The following CEP85L variants were observed in gnomAD, a reference collection of about 807,000 sequenced individuals.
CEP85L encodes the protein centrosomal protein of 85 kDa-like.
Under a neutral mutation model 100.3 loss-of-function variants are expected in CEP85L, and 60 were observed. The ratio of observed to expected loss-of-function variants is 0.60; its 90% CI spans 0.49 to 0.74. CEP85L has a LOEUF of 0.74. Among genes scored for constraint, CEP85L ranks in the 30% least tolerant of loss-of-function variants. The pLI is 0.00. For missense variants in CEP85L, 973 were observed against 936.2 expected, an observed-to-expected ratio of 1.04 and a Z score of -0.51; for synonymous variants, 319 against 322.7, an observed-to-expected ratio of 0.99 and a Z score of 0.12.
chr6:118,645,807 C>T (rs1048320302), intron 1 of CEP85L, among the ~76,000 whole-genome samples: 2 of 152,240 alleles, frequency 1.3e-5, no homozygotes, highest in African/African-American at 4.8e-5. Context: ...ATGTCTAGCA[C>T]ACCATATTTA....
chr6:118,594,712 C>T (rs1451272127), intron 2 of CEP85L, among the ~76,000 whole-genome samples: 1 of 151,282 alleles, frequency 6.6e-6, no homozygotes, highest in Admixed American at 6.6e-5. Flanking sequence ...AAAAATTAGC[C>T]GGGTGTGGTG....
intron 2 of CEP85L, among the ~76,000 whole-genome samples, chr6:118,587,635 C>G (rs1780943438): frequency 6.6e-6 from 1 of 152,108 alleles, no homozygotes. Flanking sequence ...ATTCCAGACC[C>G]TTGTATGATG....
chr6:118,652,880 T>G, upstream of CEP85L: 552 of 587,504 alleles, frequency 9.4e-4, no homozygotes, highest in East Asian at 1.4e-3. Flanking sequence ...TAATGTGCAC[T>G]AGCTCGTTTT....
rs1209530681 is a variant in CEP85L at position 118,475,352 on chromosome 6, T to C, written c.1914+4519A>G. Among the ~76,000 whole-genome samples the C allele has an allele frequency of 3.3e-3, 476 of 142,546 alleles. 28 individuals carry two copies. The highest frequency in any genetic ancestry group is 0.01 in the African/African-American group (392 of 37,764). 93.5% of individuals were successfully genotyped at this position (142,546 alleles called of 152,430 possible). ...GTGGGTGAATTGTAGGTGACATTTT[T>C]TTTTTTTTTTTTTTTTTTTTGAGAC... On this transcript the variant is annotated intron_variant, in intron 10 of 12. Transcript: ENST00000368491.
At chr6:118,643,460 C>G (rs7772921) in intron 1 of CEP85L, among the ~76,000 whole-genome samples, 70,783 of 151,980 alleles carry the variant, frequency 0.47, 16,987 homozygotes, top group Middle Eastern at 0.57. Context: ...TAACTAAAAA[C>G]TATAGTTCAT....
rs56893664 is a variant in CEP85L, at chr6:118,505,409, C to CA, written c.1257+5888dup. Among the ~76,000 whole-genome samples the CA allele has an allele frequency of 3.1e-3, 224 of 71,786 alleles. 20 individuals are homozygous for CA. The highest frequency in any genetic ancestry group is 6.2e-3 in the African/African-American group (112 of 18,050). 47.1% of individuals were successfully genotyped at this position (71,786 alleles called of 152,430 possible). A position where few individuals can be genotyped will look rare whatever the true frequency, so the allele number is the denominator to read the frequency against. ...TGAGCCAAGATCACGTCACTGTACT[C>CA]AAAAAAAAAAAAAAAAAAAAAAAAA... On this transcript the variant is annotated intron_variant, in intron 5 of 12. Transcript: ENST00000368491.
intron 7 of CEP85L, 127 bp downstream of exon 7, chr6:118,483,579 C>A (rs1773953104): frequency 1.3e-6 from 1 of 771,996 alleles, no homozygotes; most frequent in Admixed American, 2.7e-5. Context: ...AACAAAGTTT[C>A]TTATTAGAAT....
intron 3 of CEP85L, chr6:118,537,830 G>A (rs1777680393): frequency 3.0e-6 from 3 of 985,160 alleles, no homozygotes; most frequent in Non-Finnish European, 3.6e-6. Flanking sequence ...CTTTGTCTCT[G>A]AGCTTATTCA....
At chr6:118,525,488 TAAAG>T (rs981411043) in intron 3 of CEP85L, among the ~76,000 whole-genome samples, 9 of 152,240 alleles carry the variant, frequency 5.9e-5, no homozygotes, top group Admixed American at 6.5e-5. Context: ...TTGGTGTCCC[TAAAG>T]AAAGGGGAAA....
chr6:118,637,026 T>C (rs1378874027), intron 1 of CEP85L, among the ~76,000 whole-genome samples: 2 of 152,210 alleles, frequency 1.3e-5, no homozygotes, highest in Non-Finnish European at 2.9e-5. Context: ...GCCTTCTATT[T>C]AGAAAAGAAC....
intron 1 of CEP85L, among the ~76,000 whole-genome samples, chr6:118,701,461 G>T (rs1204149088): frequency 6.6e-6 from 1 of 152,166 alleles, no homozygotes; most frequent in African/African-American, 2.4e-5. Context: ...GAACAAGTTC[G>T]TGTCCTTTGC....
Position 118,519,811 on chromosome 6 carries a change from A to T in CEP85L, c.1139+3991T>A, listed in dbSNP as rs528975924. ...CACAAGGTACCCCAAAAACCAGTGA[A>T]TAATTCCCAACTCTATGAGGCCAGC... is the stretch of plus-strand genomic sequence containing the variant. On this transcript the variant is annotated intron_variant, in intron 4 of 12. Coordinates refer to ENST00000368491, the MANE Select transcript of CEP85L (RefSeq NM_001042475.3). Among the ~76,000 whole-genome samples, 3 of 152,208 alleles carry T rather than the reference A, an allele frequency of 2.0e-5. 1 individual carries two copies. In the South Asian group the frequency reaches 6.2e-4, roughly 32 times the overall value.
chr6:118,628,854 G>A (rs1032116516), intron 2 of CEP85L, among the ~76,000 whole-genome samples: 2 of 152,016 alleles, frequency 1.3e-5, no homozygotes, highest in African/African-American at 2.4e-5. Flanking sequence ...TAGATAAAAC[G>A]GCACAATCCG....
At chr6:118,518,934 T>C (rs1181259414) in intron 4 of CEP85L, among the ~76,000 whole-genome samples, 1 of 152,242 alleles carries the variant, frequency 6.6e-6, no homozygotes, top group Non-Finnish European at 1.5e-5. Flanking sequence ...CATTGTGTCT[T>C]TGTTCTCATT....
In CEP85L at chr6:118,501,384, C is replaced by T. The variant is rs542122995; in HGVS notation, c.1258-9519G>A. 7 of 360,980 alleles carry T rather than the reference C, an allele frequency of 1.9e-5. No homozygotes were observed. In the East Asian group the frequency reaches 3.0e-4, roughly 16 times the overall value. The allele number at this position is 360,980 out of a possible 1,614,324, so 22.4% of individuals were successfully genotyped here. A position where few individuals can be genotyped will look rare whatever the true frequency, so the allele number is the denominator to read the frequency against. ...AGCATGTGTGCCAGGTGGCACAAGG[C>T]CCCTCTTGAGAAGACAGCCCATGAG... On this transcript the variant is annotated intron_variant, in intron 5 of 12. Transcript: ENST00000368491.
intron 2 of CEP85L, 108 bp from the exon 3 acceptor site, chr6:118,566,424 G>GC (rs1159319282): frequency 1.0e-6 from 1 of 994,850 alleles, no homozygotes; most frequent in Non-Finnish European, 1.4e-6. Flanking sequence ...CATAGCACAA[G>GC]CTTTTTTTTT....
chr6:118,578,303 C>T (rs1305368928), intron 2 of CEP85L, among the ~76,000 whole-genome samples: 1 of 152,176 alleles, frequency 6.6e-6, no homozygotes, highest in Non-Finnish European at 1.5e-5. Context: ...TCTCTCCCTC[C>T]CCTCCTCTCT....
intron 7 of CEP85L, 96 bp from the exon 8 acceptor site, chr6:118,482,029 A>G: frequency 2.3e-6 from 1 of 431,210 alleles, no homozygotes; most frequent in Non-Finnish European, 3.5e-6. Context: ...ACAGACTTGT[A>G]GCTAAAAAAA....
chr6:118,469,987 T>C (rs941533111), intron 11 of CEP85L, among the ~76,000 whole-genome samples: 4 of 152,168 alleles, frequency 2.6e-5, no homozygotes, highest in African/African-American at 7.2e-5. Context: ...TGGTTTTTAT[T>C]GTTAGTAGCA....
Sources: allele counts gnomAD v4.1 joint callset (sites outside exome capture counted in the v4.1 genomes callset), GRCh38; gene constraint gnomAD v4.1.1; transcripts MANE v1.5; gene names NCBI Gene and HGNC (gene_info 2026-07-23, HGNC 2026-07-21).